Variants in SAMD12 observed in about 807,000 individuals in gnomAD.
The protein encoded by SAMD12 is sterile alpha motif domain-containing protein 12.
A neutral mutation model predicts 15.0 loss-of-function variants in SAMD12; 9 were observed. That is an observed-to-expected ratio of 0.60 (90% CI 0.36 to 1.05). The LOEUF is 1.05. SAMD12 is among the 50% of genes least tolerant of loss of function. SAMD12 has a pLI of 0.01. For missense variants in SAMD12, 230 were observed against 234.2 expected, an observed-to-expected ratio of 0.98 and a Z score of 0.12; for synonymous variants, 86 against 90.1, an observed-to-expected ratio of 0.96 and a Z score of 0.25.
chr8:118,168,814 T>C, the SAMD12 span, among the ~76,000 whole-genome samples: 2 of 152,076 alleles, frequency 1.3e-5, no homozygotes, highest in South Asian at 2.1e-4. Flanking sequence ...ATACGAGTTG[T>C]GGAAATCATG....
At chr8:118,387,621 G>A (rs922267069) in intron 3 of SAMD12, among the ~76,000 whole-genome samples, 4 of 152,082 alleles carry the variant, frequency 2.6e-5, no homozygotes, top group Admixed American at 2.6e-4. Flanking sequence ...ACAGCTGAAG[G>A]CCTTATACCT....
intron 3 of SAMD12, among the ~76,000 whole-genome samples, chr8:118,429,897 C>T (rs1308343219): frequency 6.6e-6 from 1 of 151,632 alleles, no homozygotes; most frequent in Non-Finnish European, 1.5e-5. Context: ...CTGTCACACA[C>T]ATACAAAAAT....
chr8:118,187,937 CTATGATGTTGAGCAAT>C, downstream of SAMD12, among the ~76,000 whole-genome samples: 1 of 150,714 alleles, frequency 6.6e-6, no homozygotes, highest in African/African-American at 2.5e-5. Context: ...TGTTGAGCAA[CTATGATGTTGAGCAAT>C]TATAATGTGC....
the SAMD12 span, among the ~76,000 whole-genome samples, chr8:118,178,762 G>A: frequency 1.3e-5 from 2 of 152,076 alleles, no homozygotes; most frequent in African/African-American, 4.8e-5. Flanking sequence ...CACCGCCCCC[G>A]GCCACACATT....
intron 3 of SAMD12, among the ~76,000 whole-genome samples, chr8:118,412,816 A>G (rs1821478081): frequency 6.6e-6 from 1 of 152,128 alleles, no homozygotes; most frequent in South Asian, 2.1e-4. Flanking sequence ...TAAGTTTTGG[A>G]GCATTTTGTT....
intron 4 of SAMD12, among the ~76,000 whole-genome samples, chr8:118,329,373 AT>A (rs1816710784): frequency 6.6e-6 from 1 of 152,154 alleles, no homozygotes; most frequent in South Asian, 2.1e-4. Flanking sequence ...TATGATTAAA[AT>A]TATTATAAAT....
At chr8:118,605,693 G>C (rs750882285) in intron 1 of SAMD12, among the ~76,000 whole-genome samples, 14 of 150,684 alleles carry the variant, frequency 9.3e-5, no homozygotes, top group Non-Finnish European at 1.6e-4. Context: ...TAATCATCTC[G>C]TAGGATTATT....
intron 2 of SAMD12, among the ~76,000 whole-genome samples, chr8:118,561,795 C>T (rs571239075): frequency 7.1e-4 from 108 of 152,178 alleles, no homozygotes; most frequent in African/African-American, 2.4e-3. Context: ...TTAAAACTAC[C>T]GTCGTCAATA....
intron 2 of SAMD12, among the ~76,000 whole-genome samples, chr8:118,549,780 A>C (rs543116059): frequency 1.3e-5 from 2 of 152,374 alleles, no homozygotes; most frequent in South Asian, 4.1e-4. Context: ...AAAACTTTGA[A>C]AAAAATTTAG....
At chr8:118,262,960 AGTTTT>A (rs1813114885) in intron 4 of SAMD12, among the ~76,000 whole-genome samples, 1 of 152,092 alleles carries the variant, frequency 6.6e-6, no homozygotes, top group African/African-American at 2.4e-5. Context: ...TTAATTCATT[AGTTTT>A]ATTTTTATAA....
intron 2 of SAMD12, among the ~76,000 whole-genome samples, chr8:118,465,963 C>G (rs1346684996): frequency 1.3e-5 from 2 of 152,056 alleles, no homozygotes; most frequent in Non-Finnish European, 2.9e-5. Context: ...TCTTTATTTT[C>G]TTTTTAAGAG....
intron 4 of SAMD12, among the ~76,000 whole-genome samples, chr8:118,326,421 G>A (rs937593463): frequency 6.6e-5 from 10 of 152,198 alleles, no homozygotes; most frequent in African/African-American, 2.2e-4. Context: ...AGTATATCCC[G>A]GGTTATACTA....
At chr8:118,300,158 T>A (rs1814940799) in intron 4 of SAMD12, among the ~76,000 whole-genome samples, 1 of 152,172 alleles carries the variant, frequency 6.6e-6, no homozygotes, top group Admixed American at 6.6e-5. Context: ...ATAATTTCTT[T>A]GTGTTAGGAA....
In SAMD12 at chr8:118,321,149, ATATATATATATATATATAT is replaced by A. The variant is rs1816249691; in HGVS notation, c.433+58392_433+58410del. On this transcript the variant is annotated intron_variant, in intron 4 of 4. Transcript: ENST00000409003. ...CATATATATCATAGATAATAAATAT[ATATATATATATATATATAT>A]ATATATATATATATATATTCTTCAT... 2.4e-4 allele frequency among the ~76,000 whole-genome samples: 3 copies of A among 12,554 alleles called. 1 individual carries two copies. The highest frequency in any genetic ancestry group is 4.4e-4 in the African/African-American group (2 of 4,498). The allele number at this position is 12,554 out of a possible 152,430, so 8.2% of individuals were successfully genotyped here. A position where few individuals can be genotyped will look rare whatever the true frequency, so the allele number is the denominator to read the frequency against.
At chr8:118,285,208 G>A (rs544060876) in intron 4 of SAMD12, among the ~76,000 whole-genome samples, 7 of 151,814 alleles carry the variant, frequency 4.6e-5, no homozygotes, top group Admixed American at 4.6e-4. Context: ...TGGAATTCTG[G>A]GTTGGATTTC....
At chr8:118,284,256 C>T (rs376164107) in intron 4 of SAMD12, 8 of 455,664 alleles carry the variant, frequency 1.8e-5, no homozygotes, top group African/African-American at 1.4e-4. Context: ...TCAGCCAATC[C>T]CTTTGTCTTT....
chr8:118,357,530 C>T (rs1211642522), intron 4 of SAMD12, among the ~76,000 whole-genome samples: 1 of 152,090 alleles, frequency 6.6e-6, no homozygotes, highest in African/African-American at 2.4e-5. Flanking sequence ...TGTGCCTGGC[C>T]TAAAAGTGTA....
rs950440877 is a variant in SAMD12 at position 118,218,614 on chromosome 8, C to T, written c.434-20882G>A. 2.9e-5 allele frequency among the ~76,000 whole-genome samples: 4 copies of T among 138,472 alleles called. No individual in the cohort carries two copies. In the East Asian group the frequency reaches 7.4e-4, roughly 25 times the overall value. The allele number at this position is 138,472 out of a possible 152,430, so 90.8% of individuals were successfully genotyped here. A position where few individuals can be genotyped will look rare whatever the true frequency, so the allele number is the denominator to read the frequency against. On this transcript the variant is annotated intron_variant, in intron 4 of 4. Transcript: ENST00000409003. The stretch of plus-strand genomic sequence containing the variant: ...TTTAGATTCCACTTATAAGCAAGAA[C>T]GTGTGGTATTTGTCTTTCGATGCTG...
intron 3 of SAMD12, among the ~76,000 whole-genome samples, chr8:118,430,675 T>C (rs1014726541): frequency 2.6e-5 from 4 of 152,156 alleles, no homozygotes; most frequent in East Asian, 1.9e-4. Flanking sequence ...GCCGTCTTTA[T>C]TCTTTTCACT....
Sources: allele counts gnomAD v4.1 joint callset (sites outside exome capture counted in the v4.1 genomes callset), GRCh38; gene constraint gnomAD v4.1.1; transcripts MANE v1.5; gene names NCBI Gene and HGNC (gene_info 2026-07-23, HGNC 2026-07-21).